Variants in PLIN3 observed in about 807,000 individuals in gnomAD.
PLIN3 encodes the protein perilipin-3.
PLIN3 carries 30 observed loss-of-function variants against 35.9 expected under a neutral mutation model. The ratio of observed to expected loss-of-function variants is 0.84; its 90% CI spans 0.62 to 1.13. The LOEUF (loss-of-function observed/expected upper bound fraction) is 1.13, where lower values mean the gene tolerates loss of function less well. Among genes scored for constraint, PLIN3 ranks in the 50% most tolerant of loss-of-function variants. The probability of loss-of-function intolerance (pLI) is 0.00; values close to 1 mark genes in which losing one functional copy is unlikely to be tolerated. For missense variants in PLIN3, 603 were observed against 596.9 expected, an observed-to-expected ratio of 1.01 and a Z score of -0.11; for synonymous variants, 261 against 262.5, an observed-to-expected ratio of 0.99 and a Z score of 0.06.
chr19:4,864,130 T>A (rs2030767767), intron 1 of PLIN3, among the ~76,000 whole-genome samples: 2 of 144,134 alleles, frequency 1.4e-5, no homozygotes. Context: ...TGTGTGTGTG[T>A]GTGTGTGTGT....
intron 4 of PLIN3, among the ~76,000 whole-genome samples, chr19:4,859,140 C>A (rs1484348464): frequency 1.3e-5 from 2 of 152,200 alleles, no homozygotes; most frequent in Non-Finnish European, 2.9e-5. Flanking sequence ...TCTGTCACAA[C>A]TACTCAACCT....
At chr19:4,853,685 T>C (rs778425844) in intron 4 of PLIN3, among the ~76,000 whole-genome samples, 12 of 151,758 alleles carry the variant, frequency 7.9e-5, no homozygotes, top group Non-Finnish European at 1.5e-4. Flanking sequence ...CAGTGGTGCA[T>C]GTCTGTAATC....
chr19:4,853,893 C>T (rs1239330398), intron 4 of PLIN3, among the ~76,000 whole-genome samples: 3 of 151,060 alleles, frequency 2.0e-5, no homozygotes, highest in East Asian at 3.9e-4. Context: ...ACATGGTGAG[C>T]GCTCATCTGT....
At position 4,851,159 on chromosome 19, in the gene PLIN3, A is replaced by C. The variant is rs555401364; in HGVS notation, c.634+857T>G. ...AGCCTGGGCAAGAGAGTGAGACTCT[A>C]TCTCTAAAACAAATAAATAAAAAAG... On this transcript the variant is annotated intron_variant, in intron 5 of 7. Transcript: ENST00000221957. Among the ~76,000 whole-genome samples, 4 of 151,996 alleles carry C rather than the reference A, an allele frequency of 2.6e-5. No homozygotes were observed. In the South Asian group the frequency reaches 8.3e-4, roughly 32 times the overall value.
chr19:4,866,386 G>T (rs2030859719), intron 1 of PLIN3, among the ~76,000 whole-genome samples: 1 of 152,118 alleles, frequency 6.6e-6, no homozygotes, highest in South Asian at 2.1e-4. Flanking sequence ...GCATCCCCTA[G>T]GAGTCTTGCT....
intron 1 of PLIN3, among the ~76,000 whole-genome samples, chr19:4,861,901 G>A (rs1359314639): frequency 4.0e-5 from 6 of 151,102 alleles, no homozygotes; most frequent in Non-Finnish European, 5.9e-5. Flanking sequence ...CCAAAGTGCT[G>A]GGATTACAGG....
chr19:4,863,009 T>G (rs2030724613), intron 1 of PLIN3, among the ~76,000 whole-genome samples: 1 of 150,826 alleles, frequency 6.6e-6, no homozygotes, highest in Non-Finnish European at 1.5e-5. Flanking sequence ...ATACAAACAT[T>G]AGCCAGGCAT....
intron 7 of PLIN3, among the ~76,000 whole-genome samples, chr19:4,844,185 C>T (rs545685287): frequency 5.1e-4 from 78 of 152,102 alleles, no homozygotes; most frequent in Non-Finnish European, 1.0e-3. Flanking sequence ...TGCTAGGGGC[C>T]GGGCTCAGTA....
At chr19:4,843,303 A>G (rs578010294) in intron 7 of PLIN3, among the ~76,000 whole-genome samples, 2 of 152,064 alleles carry the variant, frequency 1.3e-5, no homozygotes, top group Admixed American at 6.6e-5. Context: ...TCAGCAGATC[A>G]AGACCATCCC....
chr19:4,859,759 C>A (rs960810299), intron 3 of PLIN3, 67 bp downstream of exon 3: 5 of 1,590,280 alleles, frequency 3.1e-6, no homozygotes, highest in Middle Eastern at 1.7e-4. Flanking sequence ...GCTGGGTAGA[C>A]CCCCCTACTC....
intron 4 of PLIN3, among the ~76,000 whole-genome samples, chr19:4,858,708 T>TTTGG (rs1289536120): frequency 7.6e-6 from 1 of 130,762 alleles, no homozygotes; most frequent in Non-Finnish European, 1.7e-5. Flanking sequence ...TTGGTTTTTT[T>TTTGG]TTTTTTTTTT....
chr19:4,838,994 C>T lies in PLIN3; in HGVS notation c.*198G>A, dbSNP rs2093624470. 2.0e-6 allele frequency: 1 copy of T among 495,410 alleles called. No homozygotes were observed. The highest frequency in any genetic ancestry group is 3.6e-6 in the Non-Finnish European group (1 of 277,282). 30.7% of individuals were successfully genotyped at this position (495,410 alleles called of 1,614,324 possible). A position where few individuals can be genotyped will look rare whatever the true frequency, so the allele number is the denominator to read the frequency against. ...CTGATAGGGTGAGGCTCAGAACAGG[C>T]TTCTTCCAAGCTCAGAGAGGCTGAG... On this transcript the variant is annotated 3_prime_UTR_variant, in exon 8 of 8. Coordinates refer to ENST00000221957, the MANE Select transcript of PLIN3 (RefSeq NM_005817.5).
intron 7 of PLIN3, among the ~76,000 whole-genome samples, chr19:4,842,698 G>A (rs1379103429): frequency 2.6e-5 from 4 of 151,698 alleles, no homozygotes; most frequent in South Asian, 2.1e-4. Flanking sequence ...GAGGGATTAC[G>A]GGAGAGTGCC....
intron 7 of PLIN3, among the ~76,000 whole-genome samples, chr19:4,842,301 C>T (rs578045646): frequency 5.9e-5 from 9 of 151,426 alleles, no homozygotes; most frequent in East Asian, 1.9e-4. Context: ...TGGTTGCAGG[C>T]GCCTGTAATC....
Position 4,848,864 on chromosome 19 carries a change from CA to C in PLIN3, c.635-975del, listed in dbSNP as rs927505672. Among the ~76,000 whole-genome samples, 63 of 147,094 alleles carry C rather than the reference CA, an allele frequency of 4.3e-4. 2 individuals carry two copies. The highest frequency in any genetic ancestry group is 5.9e-4 in the East Asian group (3 of 5,076). ...CCTGGGTGAGAGTGAGACTCCGTCT[CA>C]AAAAAAAAAGAGAATAATGACATTT... On this transcript the variant is annotated intron_variant, in intron 5 of 7. Coordinates refer to ENST00000221957, the MANE Select transcript of PLIN3 (RefSeq NM_005817.5).
At position 4,844,793 on chromosome 19, in the gene PLIN3, T is replaced by C; in HGVS notation, c.835A>G (p.Met279Val). ...LLQLSQVLSL[M>V]ETVKQGVDQK... ...TCAACGCCTTGCTTGACAGTTTCCA[T>C]CTGGGGCAGGGGAGAGAGAAGTGAG... Residue 279 changes from methionine to valine, a missense_variant and splice_region_variant, in exon 7 of 8, where the codon ATG (methionine) becomes GTG (valine). Physicochemically the swap from Met to Val is conservative, Grantham distance 21 (BLOSUM62 1). Transcript: ENST00000221957. 1 of 1,595,272 alleles carries C rather than the reference T, an allele frequency of 6.3e-7. No homozygotes were observed. Among genetic ancestry groups the C allele is most frequent in the Non-Finnish European group, 8.5e-7 (1 of 1,171,190 alleles).
chr19:4,839,964 CCTT>C (rs1207357721), intron 7 of PLIN3, among the ~76,000 whole-genome samples: 1 of 147,488 alleles, frequency 6.8e-6, no homozygotes, highest in Non-Finnish European at 1.5e-5. Context: ...CGTGCCCGGC[CCTT>C]TTTTTTTTTT....
rs765643505 is a variant in PLIN3 at position 4,860,061 on chromosome 19, G to A, written c.67-37C>T. ...AAGTGGCTCAGGCAAACTGGGTGGG[G>A]GAAGATGGGGAGCTCAGCCGGAAAC... On this transcript the variant is annotated intron_variant, in intron 2 of 7. Coordinates refer to ENST00000221957, the MANE Select transcript of PLIN3 (RefSeq NM_005817.5). The A allele has an allele frequency of 6.9e-6, 11 of 1,591,110 alleles. No individual in the cohort carries two copies. The South Asian group carries it at 1.1e-4, about 16-fold the overall frequency.
At position 4,845,947 on chromosome 19, in the gene PLIN3, G is replaced by A. The variant is rs570265104; in HGVS notation, c.835-1154C>T. On this transcript the variant is annotated intron_variant, in intron 6 of 7. Coordinates refer to ENST00000221957, the MANE Select transcript of PLIN3 (RefSeq NM_005817.5). ...TCTCAAAAAAAAAAAAAAAAAGGCC[G>A]GGCGCGGTGGCTCACGCCTGTAATT... Among the ~76,000 whole-genome samples the A allele has an allele frequency of 2.0e-3, 287 of 145,150 alleles. 1 individual carries two copies. The highest frequency in any genetic ancestry group is 6.9e-3 in the African/African-American group (269 of 39,172).
Sources: gnomAD v4.1 joint callset for allele counts (sites outside exome capture counted in the v4.1 genomes callset) on GRCh38, gnomAD v4.1.1 for gene constraint, MANE v1.5 for transcripts, NCBI Gene and HGNC (gene_info 2026-07-23, HGNC 2026-07-21) for gene names.